The following ADARB2 variants were observed in gnomAD, a reference collection of about 807,000 sequenced individuals.
The protein encoded by ADARB2 is adenosine deaminase RNA specific B2 (inactive).
Under a neutral mutation model 62.2 loss-of-function variants are expected in ADARB2, and 25 were observed. The ratio of observed to expected loss-of-function variants is 0.40; its 90% CI spans 0.29 to 0.56. ADARB2 has a LOEUF of 0.56. Ranked by LOEUF, ADARB2 falls within the 20% of genes least tolerant of loss-of-function variation. The pLI is 0.43. For missense variants in ADARB2, 1,071 were observed against 1,077.4 expected, an observed-to-expected ratio of 0.99 and a Z score of 0.08; for synonymous variants, 572 against 500.8, an observed-to-expected ratio of 1.14 and a Z score of -1.90.
At chr10:1,540,325 C>T (rs1056503558) in intron 1 of ADARB2, among the ~76,000 whole-genome samples, 5 of 141,654 alleles carry the variant, frequency 3.5e-5, no homozygotes, top group African/African-American at 1.3e-4. Context: ...CAGTCTATGC[C>T]ACCGAGGGCA....
chr10:1,473,768 T>G (rs1465824846), intron 1 of ADARB2, among the ~76,000 whole-genome samples: 3 of 152,366 alleles, frequency 2.0e-5, no homozygotes, highest in Non-Finnish European at 1.5e-5. Context: ...TTTATTGGAC[T>G]CATGGACTGG....
intron 1 of ADARB2, among the ~76,000 whole-genome samples, chr10:1,385,665 C>G (rs1832519197): frequency 6.6e-6 from 1 of 152,000 alleles, no homozygotes; most frequent in South Asian, 2.1e-4. Context: ...AGCAGTCTAA[C>G]TTATGTATAA....
intron 1 of ADARB2, among the ~76,000 whole-genome samples, chr10:1,708,820 T>A (rs10047298): frequency 0.035 from 5,395 of 152,190 alleles, 150 homozygotes; most frequent in African/African-American, 0.076. Context: ...TTTCCTTCTT[T>A]CTACAGTCAC....
intron 1 of ADARB2, among the ~76,000 whole-genome samples, chr10:1,696,305 TA>T (rs1168455336): frequency 2.0e-5 from 3 of 152,158 alleles, no homozygotes; most frequent in Admixed American, 6.6e-5. Context: ...GCTTTGCGTT[TA>T]TATGTGTGCA....
intron 2 of ADARB2, among the ~76,000 whole-genome samples, chr10:1,364,227 G>A (rs1286816974): frequency 1.3e-5 from 2 of 152,220 alleles, no homozygotes; most frequent in African/African-American, 4.8e-5. Flanking sequence ...TACAAGTTTT[G>A]GGCAATGTCA....
intron 3 of ADARB2, among the ~76,000 whole-genome samples, chr10:1,331,779 A>G (rs1314549147): frequency 6.6e-6 from 1 of 152,242 alleles, no homozygotes; most frequent in Non-Finnish European, 1.5e-5. Flanking sequence ...TCAAAGTATC[A>G]GTAAAAGTTC....
At chr10:1,734,525 A>G (rs1835276024) in intron 1 of ADARB2, among the ~76,000 whole-genome samples, 2 of 152,214 alleles carry the variant, frequency 1.3e-5, no homozygotes, top group South Asian at 4.1e-4. Flanking sequence ...AGAGTCACAC[A>G]TAGAAAAGGA....
At chr10:1,348,344 C>T (rs571577459) in intron 3 of ADARB2, among the ~76,000 whole-genome samples, 11 of 152,136 alleles carry the variant, frequency 7.2e-5, no homozygotes, top group Non-Finnish European at 1.0e-4. Flanking sequence ...CCTGGGTGAG[C>T]GGTTGAGGGG....
Position 1,622,796 on chromosome 10 carries a change from G to T in ADARB2, c.100+114255C>A, listed in dbSNP as rs904703823. Among the ~76,000 whole-genome samples the T allele has an allele frequency of 3.3e-5, 5 of 152,064 alleles. No individual in the cohort carries two copies. The East Asian group carries it at 5.8e-4, about 18-fold the overall frequency. On this transcript the variant is annotated intron_variant, in intron 1 of 9. Coordinates refer to ENST00000381312, the MANE Select transcript of ADARB2 (RefSeq NM_018702.4). Reference sequence around the variant, plus strand: ...TTCTTAAATAGCTAAACATATACCCGCCATATAACAGAGTACTTCAGCACC... The same window carrying T: ...TTCTTAAATAGCTAAACATATACCCTCCATATAACAGAGTACTTCAGCACC...
Position 1,375,952 on chromosome 10 carries a change from CACAT to C in ADARB2, c.187+3118_187+3121del, listed in dbSNP as rs1832423755. Among the ~76,000 whole-genome samples, 3 of 32,078 alleles carry C rather than the reference CACAT, an allele frequency of 9.4e-5. No homozygotes were observed. In the South Asian group the frequency reaches 0.025, roughly 272 times the overall value. The allele number at this position is 32,078 out of a possible 152,430, so 21.0% of individuals were successfully genotyped here. A position where few individuals can be genotyped will look rare whatever the true frequency, so the allele number is the denominator to read the frequency against. On this transcript the variant is annotated intron_variant, in intron 2 of 9. Coordinates refer to ENST00000381312, the MANE Select transcript of ADARB2 (RefSeq NM_018702.4). ...CACACGTGCACAGACACACACCACA[CACAT>C]GCACACACACACATGTGCACACACA...
At position 1,346,760 on chromosome 10, in the gene ADARB2, G is replaced by A. The variant is rs192648077; in HGVS notation, c.1077+16268C>T. 1.5e-4 allele frequency among the ~76,000 whole-genome samples: 23 copies of A among 152,388 alleles called. No individual in the cohort carries two copies. The East Asian group carries it at 4.2e-3, about 28-fold the overall frequency. On this transcript the variant is annotated intron_variant, in intron 3 of 9. Transcript: ENST00000381312. ...GCCGGGAGCCAGGCCCATGTCAGGC[G>A]AGGGCACGTGGGTCCTTGCCTTCTC...
intron 4 of ADARB2, among the ~76,000 whole-genome samples, chr10:1,258,707 T>C (rs2131788440): frequency 6.6e-6 from 1 of 152,226 alleles, no homozygotes; most frequent in South Asian, 2.1e-4. Flanking sequence ...ATGGGAGACT[T>C]TAACACCCCA....
chr10:1,461,672 TC>T (rs57924167), intron 1 of ADARB2, among the ~76,000 whole-genome samples: 41,430 of 136,040 alleles, frequency 0.3, 6,056 homozygotes, highest in Middle Eastern at 0.5. Flanking sequence ...CTTTTTTTTT[TC>T]CTTTTTTTCT....
intron 7 of ADARB2, chr10:1,216,600 C>A (rs1830624030): frequency 3.5e-6 from 1 of 283,144 alleles, no homozygotes; most frequent in East Asian, 8.5e-5. Context: ...GAGGCCCTGG[C>A]TTCTCGTTAG....
chr10:1,379,008 T>C (rs1223250957), intron 2 of ADARB2, 66 bp downstream of exon 2: 2 of 1,438,898 alleles, frequency 1.4e-6, no homozygotes, highest in Non-Finnish European at 2.0e-6. Flanking sequence ...TTTTGGGGAC[T>C]GCAGGGGACC....
rs1040586226 is a variant in ADARB2, at chr10:1,363,223, A to G, written c.882T>C (p.Cys294=). Residue 294 remains cysteine (C), a synonymous_variant, in exon 3 of 10, where the codon TGT becomes TGC. Transcript: ENST00000381312. ...NRLRAGLRYV[C]LAEPAERRAR... The stretch of plus-strand genomic sequence containing the variant: ...CGCGCCGCTCGGCCGGTTCTGCCAG[A>G]CACACGTAGCGCAGCCCGGCGCGCA... 3.4e-6 allele frequency: 5 copies of G among 1,449,946 alleles called. No homozygotes were observed. The African/African-American group carries it at 7.4e-5, about 21-fold the overall frequency. 89.8% of individuals were successfully genotyped at this position (1,449,946 alleles called of 1,614,324 possible).
At chr10:1,303,071 A>G (rs972720411) in intron 3 of ADARB2, among the ~76,000 whole-genome samples, 2 of 152,192 alleles carry the variant, frequency 1.3e-5, no homozygotes, top group African/African-American at 4.8e-5. Context: ...CAGACGATCA[A>G]ATTACTCTGA....
At chr10:1,299,102 C>G (rs1831550541) in intron 3 of ADARB2, among the ~76,000 whole-genome samples, 1 of 151,800 alleles carries the variant, frequency 6.6e-6, no homozygotes, top group African/African-American at 2.4e-5. Flanking sequence ...GATAGTGAAG[C>G]CAGCTGGAAG....
chr10:1,252,154 GTAAATTTCTTATACTGTATC>G (rs1831042749), intron 4 of ADARB2, among the ~76,000 whole-genome samples: 1 of 152,108 alleles, frequency 6.6e-6, no homozygotes, highest in South Asian at 2.1e-4. Flanking sequence ...TGTTTTAAAG[GTAAATTTCTTATACTGTATC>G]TGGTTTTGGA....
Sources: gnomAD v4.1 joint callset for allele counts (sites outside exome capture counted in the v4.1 genomes callset) on GRCh38, gnomAD v4.1.1 for gene constraint, MANE v1.5 for transcripts, NCBI Gene and HGNC (gene_info 2026-07-23, HGNC 2026-07-21) for gene names.